CUX2: variants seen among roughly 807,000 people sequenced by gnomAD.
The protein encoded by CUX2 is homeobox protein cut-like 2.
CUX2 carries 40 observed loss-of-function variants against 144.8 expected under a neutral mutation model. The observed-to-expected ratio is 0.28, with a 90% CI of 0.21 to 0.36. The LOEUF is 0.36. Among genes scored for constraint, CUX2 ranks in the 10% least tolerant of loss-of-function variants. The pLI, the probability that CUX2 is intolerant of heterozygous loss-of-function variation, is 1.00. For missense variants in CUX2, 1,615 were observed against 1,994.0 expected (o/e 0.81, Z 3.62); for synonymous variants, 827 against 875.6 (o/e 0.94, Z 0.98).
intron 1 of CUX2, among the ~76,000 whole-genome samples, chr12:111,113,685 G>C (rs947692096): frequency 5.3e-5 from 8 of 152,270 alleles, no homozygotes; most frequent in African/African-American, 1.4e-4. Context: ...TTCCTGAGTA[G>C]CTGGTACTAT....
chr12:111,204,989 A>C (rs923549583), intron 1 of CUX2, among the ~76,000 whole-genome samples: 1 of 152,250 alleles, frequency 6.6e-6, no homozygotes, highest in Admixed American at 6.5e-5. Flanking sequence ...TCTCATAGGC[A>C]CCACCCCTTG....
intron 3 of CUX2, among the ~76,000 whole-genome samples, chr12:111,228,088 G>A (rs1049109655): frequency 1.3e-5 from 2 of 152,184 alleles, no homozygotes; most frequent in African/African-American, 4.8e-5. Flanking sequence ...CCCACTATAT[G>A]CAGACCCTGT....
chr12:111,071,416 A>G (rs1871250394), intron 1 of CUX2, among the ~76,000 whole-genome samples: 1 of 152,062 alleles, frequency 6.6e-6, no homozygotes, highest in Admixed American at 6.5e-5. Context: ...CATATACTGT[A>G]TATCTTCTTT....
intron 21 of CUX2, among the ~76,000 whole-genome samples, chr12:111,343,835 C>T (rs971851383): frequency 2.6e-5 from 4 of 152,138 alleles, no homozygotes; most frequent in East Asian, 1.9e-4. Context: ...CCAAGGCAGG[C>T]GGATCACCTG....
At chr12:111,326,546 G>T (rs1887829903) in intron 18 of CUX2, among the ~76,000 whole-genome samples, 1 of 151,892 alleles carries the variant, frequency 6.6e-6, no homozygotes, top group South Asian at 2.1e-4. Flanking sequence ...ACCCAGGCTG[G>T]AGTGGTGAGC....
chr12:111,198,489 A>AT (rs1229695762), intron 1 of CUX2, among the ~76,000 whole-genome samples: 1 of 151,754 alleles, frequency 6.6e-6, no homozygotes, highest in Non-Finnish European at 1.5e-5. Context: ...AAAAAAAAAA[A>AT]AGTGTCTATT....
chr12:111,310,401 G>A lies in CUX2; in HGVS notation c.1619G>A (p.Gly540Glu). 1 of 1,608,898 alleles carries A rather than the reference G, an allele frequency of 6.2e-7. No individual in the cohort carries two copies. Among genetic ancestry groups the A allele is most frequent in the South Asian group, 1.1e-5 (1 of 90,878 alleles). The change falls in exon 15 of 22, where the codon GGG becomes GAG. Residue 540 changes from glycine to glutamate, a missense_variant. Coordinates refer to ENST00000261726, the MANE Select transcript of CUX2 (RefSeq NM_015267.4). This position sits in a 1 kb window ranked among gnomAD's most constrained non-coding sequence, Gnocchi z 7.9. ...GGTCCTGAGCCCGCGGATGGTGGTG[G>A]GGGCGGAGCGGCGGGGCCCGGGGCA... is the stretch of plus-strand genomic sequence containing the variant. ...LGGPEPADGG[G>E]GGAAGPGAEE...
chr12:111,226,988 G>C (rs1262285643), intron 3 of CUX2, among the ~76,000 whole-genome samples: 2 of 152,256 alleles, frequency 1.3e-5, no homozygotes, highest in Admixed American at 1.3e-4. Flanking sequence ...AGTCGGCCCA[G>C]TGTCTCTCAG....
At position 111,209,936 on chromosome 12, in the gene CUX2, G is replaced by A. The variant is rs1006724466; in HGVS notation, c.64-4264G>A. On this transcript the variant is annotated intron_variant, in intron 1 of 21. Transcript: ENST00000261726. ...GATCATTATTTGAATGGTCTGCGCC[G>A]GGCTCCGGGCTGTCTGTCTGCTGCT... Among the ~76,000 whole-genome samples the A allele has an allele frequency of 5.3e-5, 8 of 151,926 alleles. No individual in the cohort carries two copies. In the South Asian group the frequency reaches 1.0e-3, roughly 20 times the overall value.
chr12:111,100,907 A>G (rs547788900), intron 1 of CUX2, among the ~76,000 whole-genome samples: 2 of 152,132 alleles, frequency 1.3e-5, no homozygotes, highest in Non-Finnish European at 2.9e-5. Flanking sequence ...CTTGCCACCA[A>G]GGAGGTCACT....
chr12:111,263,927 TGGGG>T lies in CUX2; in HGVS notation c.301+89_301+92del. 7.8e-7 allele frequency: 1 copy of T among 1,283,862 alleles called. No homozygotes were observed. Among genetic ancestry groups the T allele is most frequent in the Non-Finnish European group, 1.1e-6 (1 of 882,178 alleles). The allele number at this position is 1,283,862 out of a possible 1,614,324, so 79.5% of individuals were successfully genotyped here. ...GACACAGGGACTTTGAGGTGGGATG[TGGGG>T]ACATGCCTGGGCTCCTGGGTGAGGC... On this transcript the variant is annotated intron_variant, in intron 4 of 21. Coordinates refer to ENST00000261726, the MANE Select transcript of CUX2 (RefSeq NM_015267.4). This position sits in a 1 kb window ranked among gnomAD's most constrained non-coding sequence, Gnocchi z 4.0.
chr12:111,107,240 C>T (rs993955870), intron 1 of CUX2, among the ~76,000 whole-genome samples: 2 of 152,230 alleles, frequency 1.3e-5, no homozygotes, highest in Admixed American at 1.3e-4. Context: ...CAAGACCCCC[C>T]GGTGGCCTTC....
intron 1 of CUX2, among the ~76,000 whole-genome samples, chr12:111,146,418 G>T (rs1395581247): frequency 6.6e-6 from 1 of 152,062 alleles, no homozygotes; most frequent in African/African-American, 2.4e-5. Context: ...TTTTCAGTAT[G>T]TTGTATAGTT....
Position 111,246,702 on chromosome 12 carries a change from T to C in CUX2, c.223-17059T>C, listed in dbSNP as rs1449978506. 2.0e-5 allele frequency among the ~76,000 whole-genome samples: 3 copies of C among 152,222 alleles called. No individual in the cohort carries two copies. Among genetic ancestry groups the C allele is most frequent in the Admixed American group, 6.5e-5 (1 of 15,278 alleles). ...GACTTAGAGGAATGGACTGTGGGTG[T>C]TGTCTGGCAAGGCGAGGTCCTTTCT... On this transcript the variant is annotated intron_variant, in intron 3 of 21. Coordinates refer to ENST00000261726, the MANE Select transcript of CUX2 (RefSeq NM_015267.4). This position sits in a 1 kb window ranked among gnomAD's most constrained non-coding sequence, Gnocchi z 4.0.
rs1293075859 is a variant in CUX2, at chr12:111,186,805, A to C, written c.64-27395A>C. On this transcript the variant is annotated intron_variant, in intron 1 of 21. Coordinates refer to ENST00000261726, the MANE Select transcript of CUX2 (RefSeq NM_015267.4). This position sits in a 1 kb window ranked among gnomAD's most constrained non-coding sequence, Gnocchi z 4.4. Reference sequence around the variant, plus strand: ...ATGTTTTTTTTTTTTTTGAGACAGAATTTCACCGCATCACCCAGACTGGAG... The same window carrying C: ...ATGTTTTTTTTTTTTTTGAGACAGACTTTCACCGCATCACCCAGACTGGAG... 4.0e-5 allele frequency among the ~76,000 whole-genome samples: 6 copies of C among 150,312 alleles called. No individual in the cohort carries two copies. Among genetic ancestry groups the C allele is most frequent in the Non-Finnish European group, 7.4e-5 (5 of 67,728 alleles).
intron 1 of CUX2, among the ~76,000 whole-genome samples, chr12:111,070,543 C>T (rs1211883910): frequency 2.0e-5 from 3 of 151,960 alleles, no homozygotes; most frequent in African/African-American, 7.3e-5. Flanking sequence ...TGTGCATAGC[C>T]TCCCCCATTA....
intron 4 of CUX2, chr12:111,270,641 AG>A (rs1479765698): frequency 1.3e-5 from 2 of 149,886 alleles, no homozygotes; most frequent in African/African-American, 4.9e-5. Flanking sequence ...ATTAGTTAAA[AG>A]GAAAAAAAAA....
chr12:111,325,535 C>A (rs1358213776), intron 18 of CUX2, among the ~76,000 whole-genome samples: 2 of 152,118 alleles, frequency 1.3e-5, no homozygotes, highest in Non-Finnish European at 2.9e-5. Context: ...TGTGGGCCAT[C>A]AGGCTTCCTG....
chr12:111,055,267 C>A (rs1870464207), intron 1 of CUX2, among the ~76,000 whole-genome samples: 1 of 152,204 alleles, frequency 6.6e-6, no homozygotes, highest in Non-Finnish European at 1.5e-5. Context: ...GGACAAGCAT[C>A]AGGGATGTCA....
Sources: gnomAD v4.1 joint callset for allele counts (sites outside exome capture counted in the v4.1 genomes callset) on GRCh38, gnomAD v4.1.1 for gene constraint, Gnocchi (gnomAD v3.1) non-coding constraint, MANE v1.5 for transcripts, NCBI Gene and HGNC (gene_info 2026-07-23, HGNC 2026-07-21) for gene names.